SDK1: variants seen among roughly 807,000 people sequenced by gnomAD.
The protein encoded by SDK1 is protein sidekick-1.
A neutral mutation model predicts 245.5 loss-of-function variants in SDK1; 157 were observed. The observed-to-expected ratio is 0.64, with a 90% CI of 0.56 to 0.73. The LOEUF is 0.73. Among genes scored for constraint, SDK1 ranks in the 30% least tolerant of loss-of-function variants. The pLI, the probability that SDK1 is intolerant of heterozygous loss-of-function variation, is 0.00. For missense variants in SDK1, 3,583 were observed against 3,002.3 expected, an observed-to-expected ratio of 1.19 and a Z score of -4.52; for synonymous variants, 1,647 against 1,278.5, an observed-to-expected ratio of 1.29 and a Z score of -6.15.
intron 44 of SDK1, among the ~76,000 whole-genome samples, chr7:4,262,283 C>T (rs565265691): frequency 3.3e-5 from 5 of 151,678 alleles, no homozygotes; most frequent in South Asian, 4.2e-4. Flanking sequence ...GGTGATCTGC[C>T]GACCTCAGGT....
At chr7:4,035,606 T>A (rs569789926) in intron 17 of SDK1, among the ~76,000 whole-genome samples, 1 of 152,308 alleles carries the variant, frequency 6.6e-6, no homozygotes, top group Admixed American at 6.5e-5. Context: ...GGAAATGAGA[T>A]TTTCAGCCCA....
At chr7:3,636,575 G>T (rs1305190181) in intron 2 of SDK1, among the ~76,000 whole-genome samples, 2 of 152,194 alleles carry the variant, frequency 1.3e-5, no homozygotes, top group South Asian at 2.1e-4. Context: ...TCCATCGTGT[G>T]TATACACCAC....
At chr7:3,786,100 C>G (rs1382553713) in intron 4 of SDK1, among the ~76,000 whole-genome samples, 2 of 152,132 alleles carry the variant, frequency 1.3e-5, no homozygotes, top group Non-Finnish European at 2.9e-5. Context: ...AAGTGCTCTC[C>G]TTAAGTCCTC....
chr7:4,177,487 C>T lies in SDK1; in HGVS notation c.4997-998C>T, dbSNP rs76322872. ...CGCCCGTTCTTTCCCAGGACACGGC[C>T]GCTAAGGTCTCAGAGGCCTTTGGTT... On this transcript the variant is annotated intron_variant, in intron 34 of 44. Transcript: ENST00000404826. Among the ~76,000 whole-genome samples the T allele has an allele frequency of 5.6e-3, 848 of 152,332 alleles. 5 individuals are homozygous for T. Among genetic ancestry groups the T allele is most frequent in the African/African-American group, 0.02 (829 of 41,564 alleles).
rs1327625654 is a variant in SDK1, at chr7:3,582,229, T to C, written c.299-36851T>C. On this transcript the variant is annotated intron_variant, in intron 1 of 44. Transcript: ENST00000404826. The stretch of plus-strand genomic sequence containing the variant: ...GGTAGGTCTCCCTCAGGTAGGTCTG[T>C]CTCAGGTAGGTCTCCCTCAGGTAGG... 1.4e-3 allele frequency among the ~76,000 whole-genome samples: 203 copies of C among 142,526 alleles called. 1 individual carries two copies. Among genetic ancestry groups the C allele is most frequent in the Middle Eastern group, 4.0e-3 (1 of 248 alleles). 93.5% of individuals were successfully genotyped at this position (142,526 alleles called of 152,430 possible).
At chr7:3,987,678 C>T (rs1323233171) in intron 14 of SDK1, among the ~76,000 whole-genome samples, 2 of 152,190 alleles carry the variant, frequency 1.3e-5, no homozygotes, top group Non-Finnish European at 2.9e-5. Flanking sequence ...GTCGCCGCCA[C>T]TGCTCATGTC....
At position 4,246,595 on chromosome 7, in the gene SDK1, C is replaced by T. The variant is rs553736456; in HGVS notation, c.6381+790C>T. 2.0e-3 allele frequency among the ~76,000 whole-genome samples: 311 copies of T among 152,236 alleles called. 3 individuals carry two copies. Among genetic ancestry groups the T allele is most frequent in the Admixed American group, 3.6e-3 (55 of 15,296 alleles). Reference sequence around the variant, plus strand: ...TTTCCCCCTACACCCTGCCAGCCTCCCACCCTGCCCAGGAAGCTTCTGTCC... The same window carrying T: ...TTTCCCCCTACACCCTGCCAGCCTCTCACCCTGCCCAGGAAGCTTCTGTCC... On this transcript the variant is annotated intron_variant, in intron 44 of 44. Coordinates refer to ENST00000404826, the MANE Select transcript of SDK1 (RefSeq NM_152744.4).
intron 5 of SDK1, among the ~76,000 whole-genome samples, chr7:3,832,652 A>G (rs962869385): frequency 2.6e-5 from 4 of 152,240 alleles, no homozygotes; most frequent in Non-Finnish European, 4.4e-5. Flanking sequence ...ATGTAAAGAA[A>G]TGGAATTTAT....
At chr7:3,920,715 C>G (rs868819046) in intron 5 of SDK1, among the ~76,000 whole-genome samples, 44 of 151,956 alleles carry the variant, frequency 2.9e-4, no homozygotes, top group Admixed American at 7.9e-4. Flanking sequence ...TTCTAATGGC[C>G]TCAGATAAGA....
intron 1 of SDK1, among the ~76,000 whole-genome samples, chr7:3,513,763 T>C (rs1782651543): frequency 6.6e-6 from 1 of 151,998 alleles, no homozygotes; most frequent in African/African-American, 2.4e-5. Flanking sequence ...GCCCAGCAGG[T>C]TTTATAACTT....
intron 32 of SDK1, among the ~76,000 whole-genome samples, chr7:4,168,365 A>T (rs1799437): frequency 6.6e-6 from 1 of 152,168 alleles, no homozygotes; most frequent in Non-Finnish European, 1.5e-5. Context: ...TCTGTTGGGC[A>T]AGGCGGATTG....
chr7:3,515,822 A>G (rs747621016), intron 1 of SDK1, among the ~76,000 whole-genome samples: 104 of 152,156 alleles, frequency 6.8e-4, no homozygotes, highest in Non-Finnish European at 1.3e-3. Flanking sequence ...AAATCACCTT[A>G]TTTTGATCAG....
At chr7:3,432,650 T>C (rs1779890433) in intron 1 of SDK1, among the ~76,000 whole-genome samples, 1 of 152,168 alleles carries the variant, frequency 6.6e-6, no homozygotes. Flanking sequence ...TGAATTTTAA[T>C]AGGAACCTAG....
At chr7:3,932,156 C>T (rs1779998970) in intron 5 of SDK1, among the ~76,000 whole-genome samples, 1 of 152,272 alleles carries the variant, frequency 6.6e-6, no homozygotes, top group African/African-American at 2.4e-5. Flanking sequence ...ATTCACCTGC[C>T]TTCCAGTCTA....
intron 1 of SDK1, among the ~76,000 whole-genome samples, chr7:3,517,079 T>G (rs1461085789): frequency 6.6e-6 from 1 of 152,194 alleles, no homozygotes; most frequent in Non-Finnish European, 1.5e-5. Context: ...TATACATTAT[T>G]CATAAATGTA....
chr7:3,365,724 T>C (rs759908745), intron 1 of SDK1, among the ~76,000 whole-genome samples: 3 of 152,192 alleles, frequency 2.0e-5, no homozygotes, highest in Non-Finnish European at 2.9e-5. Flanking sequence ...ACACTGACTT[T>C]AGAAGTCTCT....
At chr7:3,918,247 T>C (rs1435013360) in intron 5 of SDK1, among the ~76,000 whole-genome samples, 1 of 152,164 alleles carries the variant, frequency 6.6e-6, no homozygotes, top group Non-Finnish European at 1.5e-5. Flanking sequence ...TATCGGTCCA[T>C]GGCCTATTAG....
chr7:3,442,794 C>T (rs1780232538), intron 1 of SDK1, among the ~76,000 whole-genome samples: 1 of 152,134 alleles, frequency 6.6e-6, no homozygotes, highest in Non-Finnish European at 1.5e-5. Flanking sequence ...CAGTGACTAC[C>T]TGTGAAATGT....
Position 3,407,041 on chromosome 7 carries a change from A to G in SDK1, c.298+105157A>G, listed in dbSNP as rs1779073112. 2.6e-5 allele frequency among the ~76,000 whole-genome samples: 4 copies of G among 152,196 alleles called. No individual in the cohort carries two copies. The South Asian group carries it at 8.3e-4, about 32-fold the overall frequency. ...GATCAAGAATGCTAGAGGAAAGGGC[A>G]GAGATTATCCTTTCACCCAGAATTG... is the stretch of plus-strand genomic sequence containing the variant. On this transcript the variant is annotated intron_variant, in intron 1 of 44. Transcript: ENST00000404826.
Sources: allele counts gnomAD v4.1 joint callset (sites outside exome capture counted in the v4.1 genomes callset), GRCh38; gene constraint gnomAD v4.1.1; transcripts MANE v1.5; gene names NCBI Gene and HGNC (gene_info 2026-07-23, HGNC 2026-07-21).